PPP1R36: variants seen among roughly 807,000 people sequenced by gnomAD.
PPP1R36 encodes the protein protein phosphatase 1 regulatory subunit 36.
Under a neutral mutation model 53.4 loss-of-function variants are expected in PPP1R36, and 47 were observed. The ratio of observed to expected loss-of-function variants is 0.88; its 90% CI spans 0.70 to 1.12. PPP1R36 has a LOEUF of 1.12. Among genes scored for constraint, PPP1R36 ranks in the 50% most tolerant of loss-of-function variants. The pLI is 0.00. For missense variants in PPP1R36, 456 were observed against 513.9 expected (o/e 0.89, Z 1.09); for synonymous variants, 153 against 170.5 (o/e 0.90, Z 0.80).
chr14:64,557,063 C>T (rs2080161174), intron 3 of PPP1R36, among the ~76,000 whole-genome samples: 1 of 151,828 alleles, frequency 6.6e-6, no homozygotes, highest in East Asian at 1.9e-4. Context: ...AACTTCTGAG[C>T]TCAAGCAATC....
chr14:64,571,472 A>G (rs10150987), intron 7 of PPP1R36, among the ~76,000 whole-genome samples: 25,120 of 152,098 alleles, frequency 0.17, 2,404 homozygotes, highest in Non-Finnish European at 0.21. Context: ...TCAAGTTACT[A>G]TAATCTTCAT....
chr14:64,565,303 A>G lies in PPP1R36; in HGVS notation c.270-54A>G, dbSNP rs1017249010. 6 of 1,275,624 alleles carry G rather than the reference A, an allele frequency of 4.7e-6. No homozygotes were observed. In the African/African-American group the frequency reaches 9.0e-5, roughly 19 times the overall value. 79.0% of individuals were successfully genotyped at this position (1,275,624 alleles called of 1,614,324 possible). On this transcript the variant is annotated intron_variant, in intron 4 of 11. Coordinates refer to ENST00000298705, the MANE Select transcript of PPP1R36 (RefSeq NM_172365.3). The stretch of plus-strand genomic sequence containing the variant: ...GCTTCCTGCACCTCAGGATAGATTA[A>G]ATACAACTAAAATATATTAAAACAC...
chr14:64,588,849 C>T (rs1387130567), intron 11 of PPP1R36, among the ~76,000 whole-genome samples: 3 of 152,016 alleles, frequency 2.0e-5, no homozygotes, highest in South Asian at 2.1e-4. Flanking sequence ...TGTGAGCCAC[C>T]GCGCCCAGCC....
intron 2 of PPP1R36, among the ~76,000 whole-genome samples, chr14:64,552,369 A>T (rs2080101294): frequency 6.6e-6 from 1 of 152,132 alleles, no homozygotes; most frequent in South Asian, 2.1e-4. Flanking sequence ...GGCACCTGTA[A>T]TCCCAGCTAC....
intron 3 of PPP1R36, among the ~76,000 whole-genome samples, chr14:64,556,185 A>G (rs1439854316): frequency 7.2e-6 from 1 of 139,736 alleles, no homozygotes; most frequent in African/African-American, 2.7e-5. Context: ...GGCTCACTGC[A>G]GCCTCTGCCT....
In PPP1R36 at chr14:64,574,627, A is replaced by G. The variant is rs373563222; in HGVS notation, c.668+38A>G. ...TTACACTTCATTAGATCATCACTCC[A>G]TCATAGACTCACATCCTTAAGATGC... On this transcript the variant is annotated intron_variant, in intron 8 of 11. Transcript: ENST00000298705. 20 of 1,571,032 alleles carry G rather than the reference A, an allele frequency of 1.3e-5. No individual in the cohort carries two copies. In the African/African-American group the frequency reaches 1.4e-4, roughly 11 times the overall value.
intron 7 of PPP1R36, among the ~76,000 whole-genome samples, chr14:64,570,850 C>A (rs560204712): frequency 1.3e-5 from 2 of 152,120 alleles, no homozygotes; most frequent in East Asian, 1.9e-4. Flanking sequence ...AAAGAAGAAG[C>A]CTTATCCCTA....
At chr14:64,555,219 C>T (rs555792239) in intron 3 of PPP1R36, among the ~76,000 whole-genome samples, 63 of 152,256 alleles carry the variant, frequency 4.1e-4, no homozygotes, top group African/African-American at 1.2e-3. Context: ...TTATAGCATT[C>T]GGTTTTTAGT....
chr14:64,561,560 T>A (rs117727667), intron 3 of PPP1R36, among the ~76,000 whole-genome samples: 6,583 of 152,280 alleles, frequency 0.043, 183 homozygotes, highest in African/African-American at 0.062. Context: ...TTATCAGTTG[T>A]CAAGTTACTT....
chr14:64,588,068 G>T, intron 10 of PPP1R36, 36 bp from the exon 11 acceptor site: 1 of 1,545,812 alleles, frequency 6.5e-7, no homozygotes, highest in Non-Finnish European at 8.8e-7. Flanking sequence ...AGAAAACAGG[G>T]TGATATGACC....
rs10708900 is a variant in PPP1R36 at position 64,587,448 on chromosome 14, C to CTTTTTTTT, written c.890+99_890+106dup. On this transcript the variant is annotated intron_variant, in intron 10 of 11. Coordinates refer to ENST00000298705, the MANE Select transcript of PPP1R36 (RefSeq NM_172365.3). ...CCTTTCTTTTCTTTTCTTTTTTCTCCTTTTTTTTTTTTTTTTTTTTTTTTT... is the reference window on the plus strand; with the variant it reads ...CCTTTCTTTTCTTTTCTTTTTTCTCCTTTTTTTTTTTTTTTTTTTTTTTTTTTTTTTTT... 477 of 110,946 alleles carry CTTTTTTTT rather than the reference C, an allele frequency of 4.3e-3. 45 individuals are homozygous for CTTTTTTTT. Among genetic ancestry groups the CTTTTTTTT allele is most frequent in the Non-Finnish European group, 5.2e-3 (374 of 72,278 alleles). 6.9% of individuals were successfully genotyped at this position (110,946 alleles called of 1,614,324 possible).
At position 64,589,165 on chromosome 14, in the gene PPP1R36, G is replaced by A. The variant is rs202145139; in HGVS notation, c.1096G>A (p.Gly366Arg). 276 of 1,611,410 alleles carry A rather than the reference G, an allele frequency of 1.7e-4. No individual in the cohort carries two copies. The highest frequency in any genetic ancestry group is 1.7e-4 in the Middle Eastern group (1 of 6,044). The change falls in exon 12 of 12, where the codon GGG becomes AGG. Residue 366 changes from glycine to arginine, a missense_variant. Coordinates refer to ENST00000298705, the MANE Select transcript of PPP1R36 (RefSeq NM_172365.3). The part of the protein sequence containing the change: ...SVPMPVVGIL[G>R]EPRCLFNPHT... Reference sequence around the variant, plus strand: ...TTCTTTTCACAGAGTTGGCATCTTGGGGGAGCCTCGATGTCTATTCAACCC... The same window carrying A: ...TTCTTTTCACAGAGTTGGCATCTTGAGGGAGCCTCGATGTCTATTCAACCC...
intron 3 of PPP1R36, among the ~76,000 whole-genome samples, chr14:64,560,103 C>CAAAAAAAAAAAAAAAAAAAAA (rs1171697200): frequency 1.1e-4 from 3 of 27,478 alleles, no homozygotes; most frequent in Non-Finnish European, 1.5e-4. Flanking sequence ...GAATCTGTCA[C>CAAAAAAAAAAAAAAAAAAAAA]AAAAAAAAAA....
At chr14:64,557,369 A>T (rs1022978975) in intron 3 of PPP1R36, among the ~76,000 whole-genome samples, 1 of 152,176 alleles carries the variant, frequency 6.6e-6, no homozygotes, top group Non-Finnish European at 1.5e-5. Context: ...AACACAACTG[A>T]TGTAGGTTGG....
chr14:64,589,115 C>T (rs192234938), intron 11 of PPP1R36, 37 bp from the exon 12 acceptor site: 5 of 1,553,400 alleles, frequency 3.2e-6, no homozygotes, highest in Non-Finnish European at 4.4e-6. Context: ...AGTCTTTGGC[C>T]TCATCACTTC....
intron 8 of PPP1R36, among the ~76,000 whole-genome samples, chr14:64,575,896 C>T (rs11627602): frequency 0.053 from 7,991 of 152,024 alleles, 288 homozygotes; most frequent in Non-Finnish European, 0.081. Context: ...GTGATCCACC[C>T]GCCTCGGCCT....
intron 7 of PPP1R36, among the ~76,000 whole-genome samples, chr14:64,573,913 CAAAAAAAAAA>C (rs35427371): frequency 8.0e-4 from 26 of 32,534 alleles, no homozygotes; most frequent in South Asian, 4.7e-3. Flanking sequence ...GACTCTGTCT[CAAAAAAAAAA>C]AAAAAAAAAA....
At chr14:64,583,739 G>A (rs1241668237) in intron 8 of PPP1R36, among the ~76,000 whole-genome samples, 7 of 148,468 alleles carry the variant, frequency 4.7e-5, no homozygotes, top group African/African-American at 1.7e-4. Flanking sequence ...GTTTGAACCC[G>A]GGAGGCAGAG....
At chr14:64,578,018 C>T (rs1371983605) in intron 8 of PPP1R36, among the ~76,000 whole-genome samples, 2 of 150,048 alleles carry the variant, frequency 1.3e-5, no homozygotes. Context: ...AACCACTGCA[C>T]CTGGCCTTTT....
Sources: gnomAD v4.1 joint callset for allele counts (sites outside exome capture counted in the v4.1 genomes callset) on GRCh38, gnomAD v4.1.1 for gene constraint, MANE v1.5 for transcripts, NCBI Gene and HGNC (gene_info 2026-07-23, HGNC 2026-07-21) for gene names.